IPO11: variants seen among roughly 807,000 people sequenced by gnomAD.
The protein encoded by IPO11 is importin 11.
A neutral mutation model predicts 143.2 loss-of-function variants in IPO11; 66 were observed. The observed-to-expected ratio is 0.46, with a 90% CI of 0.38 to 0.57. The LOEUF (loss-of-function observed/expected upper bound fraction) is 0.57. Among genes scored for constraint, IPO11 ranks in the 20% least tolerant of loss-of-function variants. The probability of loss-of-function intolerance (pLI) is 0.00; values close to 1 mark genes in which losing one functional copy is unlikely to be tolerated. For synonymous variants in IPO11, 385 were observed against 377.8 expected, an observed-to-expected ratio of 1.02 and a Z score of -0.22; for missense variants, 1,026 against 1,141.0, an observed-to-expected ratio of 0.90 and a Z score of 1.45.
chr5:62,573,939 T>C (rs574100130), intron 27 of IPO11, among the ~76,000 whole-genome samples: 4 of 152,326 alleles, frequency 2.6e-5, no homozygotes, highest in African/African-American at 9.6e-5. Flanking sequence ...TAATAAACTT[T>C]CCTTCTGTAA....
intron 20 of IPO11, 62 bp downstream of exon 20, chr5:62,515,563 T>G (rs1042176574): frequency 9.4e-7 from 1 of 1,066,022 alleles, no homozygotes; most frequent in Non-Finnish European, 1.3e-6. Context: ...CTTTTAACCA[T>G]TTAAAAATTG....
intron 27 of IPO11, among the ~76,000 whole-genome samples, chr5:62,564,361 G>T (rs12517326): frequency 0.47 from 70,955 of 151,790 alleles, 16,763 homozygotes; most frequent in South Asian, 0.53. Flanking sequence ...TTGGAGTTAG[G>T]GGGTATTTTT....
intron 9 of IPO11, 28 bp from the exon 10 acceptor site, chr5:62,483,073 T>C: frequency 7.3e-7 from 1 of 1,370,822 alleles, no homozygotes; most frequent in Non-Finnish European, 1.0e-6. Context: ...AAATACATTT[T>C]AATTTTTATT....
rs1173532510 is a variant in IPO11, at chr5:62,451,729, G to A, written c.313-1G>A. ...CCATTTGTTTAATTTTTTCCTTTCAGATTGCAACTCAGATTGCAGTGCTCA... is the reference window on the plus strand; with the variant it reads ...CCATTTGTTTAATTTTTTCCTTTCAAATTGCAACTCAGATTGCAGTGCTCA... On this transcript the variant is annotated splice_acceptor_variant, in intron 4 of 29. Transcript: ENST00000325324. LOFTEE classifies it high-confidence loss of function. The A allele has an allele frequency of 6.2e-7, 1 of 1,612,598 alleles. No homozygotes were observed. The highest frequency in any genetic ancestry group is 1.3e-5 in the African/African-American group (1 of 74,822).
chr5:62,547,848 T>A (rs1743257595), intron 24 of IPO11, among the ~76,000 whole-genome samples: 1 of 152,132 alleles, frequency 6.6e-6, no homozygotes, highest in African/African-American at 2.4e-5. Context: ...TTTTAAAATT[T>A]TAACCAGAAT....
chr5:62,536,237 G>A (rs1742728660), intron 22 of IPO11, among the ~76,000 whole-genome samples: 2 of 152,120 alleles, frequency 1.3e-5, no homozygotes, highest in Admixed American at 6.5e-5. Context: ...AAATGATTCA[G>A]TTTCATGTAG....
At position 62,620,890 on chromosome 5, in the gene IPO11, C is replaced by A. The variant is rs115520643; in HGVS notation, c.2764-6264C>A. Reference sequence around the variant, plus strand: ...TGGCCAAAGAGGAAGTCCATTCAAACGGATGGTGGGTGGCGGAGGGCCTTA... The same window carrying A: ...TGGCCAAAGAGGAAGTCCATTCAAAAGGATGGTGGGTGGCGGAGGGCCTTA... On this transcript the variant is annotated intron_variant, in intron 29 of 29. Coordinates refer to ENST00000325324, the MANE Select transcript of IPO11 (RefSeq NM_016338.5). Among the ~76,000 whole-genome samples the A allele has an allele frequency of 7.5e-3, 1,148 of 152,236 alleles. 16 individuals are homozygous for A. The highest frequency in any genetic ancestry group is 0.026 in the African/African-American group (1,082 of 41,540).
intron 22 of IPO11, among the ~76,000 whole-genome samples, chr5:62,533,215 C>T (rs117841644): frequency 0.2 from 4,587 of 22,714 alleles, 270 homozygotes; most frequent in African/African-American, 0.46. Flanking sequence ...TTTCTTTCTT[C>T]TTTTTTTTTT....
chr5:62,503,878 G>C (rs1015686145), intron 16 of IPO11, among the ~76,000 whole-genome samples: 6 of 152,138 alleles, frequency 3.9e-5, no homozygotes, highest in Non-Finnish European at 7.3e-5. Flanking sequence ...AGTTGCTATA[G>C]TGTAACATCT....
chr5:62,543,543 A>AT (rs1414159283), intron 24 of IPO11, among the ~76,000 whole-genome samples: 1 of 151,966 alleles, frequency 6.6e-6, no homozygotes, highest in Non-Finnish European at 1.5e-5. Flanking sequence ...CCCCTTTAAC[A>AT]TTTTTTATCA....
intron 16 of IPO11, among the ~76,000 whole-genome samples, chr5:62,498,257 A>G (rs1007045651): frequency 2.0e-5 from 3 of 152,080 alleles, no homozygotes; most frequent in Non-Finnish European, 4.4e-5. Flanking sequence ...TTTGGAGCAT[A>G]TCGGTAGTTC....
At chr5:62,603,515 G>T (rs1745584379) in intron 29 of IPO11, among the ~76,000 whole-genome samples, 1 of 152,164 alleles carries the variant, frequency 6.6e-6, no homozygotes, top group Non-Finnish European at 1.5e-5. Flanking sequence ...TACGGTAGTG[G>T]GTGGCTGGAG....
chr5:62,474,496 T>C, intron 8 of IPO11, 32 bp downstream of exon 8: 1 of 1,477,662 alleles, frequency 6.8e-7, no homozygotes, highest in Non-Finnish European at 9.3e-7. Flanking sequence ...CTTTTTACTG[T>C]AGAATTTTTA....
At chr5:62,527,782 T>C (rs1742415077) in intron 21 of IPO11, among the ~76,000 whole-genome samples, 1 of 152,192 alleles carries the variant, frequency 6.6e-6, no homozygotes, top group South Asian at 2.1e-4. Flanking sequence ...TTACCTAATT[T>C]GTTAATAGTT....
At chr5:62,574,633 A>G (rs1462698736) in intron 27 of IPO11, among the ~76,000 whole-genome samples, 1 of 152,200 alleles carries the variant, frequency 6.6e-6, no homozygotes, top group Non-Finnish European at 1.5e-5. Context: ...CCTTCTGTTT[A>G]ATAGTTCTGC....
intron 9 of IPO11, 56 bp downstream of exon 9, chr5:62,476,809 A>G (rs1250994924): frequency 2.1e-6 from 3 of 1,410,074 alleles, no homozygotes; most frequent in African/African-American, 3.0e-5. Context: ...CAGATTTACA[A>G]AGGAAAATGA....
intron 1 of IPO11, among the ~76,000 whole-genome samples, chr5:62,422,289 G>C (rs550734686): frequency 6.6e-6 from 1 of 152,154 alleles, no homozygotes; most frequent in Admixed American, 6.6e-5. Flanking sequence ...ACCATGCTCA[G>C]CTAATTTTTG....
At chr5:62,513,416 C>A (rs1415715010) in intron 19 of IPO11, among the ~76,000 whole-genome samples, 3 of 40,498 alleles carry the variant, frequency 7.4e-5, no homozygotes, top group African/African-American at 3.7e-4. Flanking sequence ...GGGCGCTGAC[C>A]CCCCCCCCAC....
chr5:62,417,818 A>G (rs1395683842), intron 1 of IPO11, among the ~76,000 whole-genome samples: 1 of 152,176 alleles, frequency 6.6e-6, no homozygotes. Flanking sequence ...CATGTCAAAA[A>G]CGTTGTGTAT....
Sources: gnomAD v4.1 joint callset for allele counts (sites outside exome capture counted in the v4.1 genomes callset) on GRCh38, gnomAD v4.1.1 for gene constraint, MANE v1.5 for transcripts, NCBI Gene and HGNC (gene_info 2026-07-23, HGNC 2026-07-21) for gene names.